MAPK10: variants seen among roughly 807,000 people sequenced by gnomAD.
MAPK10 encodes mitogen-activated protein kinase 10.
A neutral mutation model predicts 59.3 loss-of-function variants in MAPK10; 25 were observed. The ratio of observed to expected loss-of-function variants is 0.42; its 90% CI spans 0.31 to 0.59. MAPK10 has a LOEUF of 0.59. MAPK10 is among the 20% of genes least tolerant of loss of function. The probability of loss-of-function intolerance (pLI) is 0.15; values close to 1 mark genes in which losing one functional copy is unlikely to be tolerated. For missense variants in MAPK10, 351 were observed against 568.9 expected (o/e 0.62, Z 3.90); for synonymous variants, 190 against 200.5 (o/e 0.95, Z 0.44).
At chr4:86,179,489 G>GA (rs1046569483) in intron 3 of MAPK10, among the ~76,000 whole-genome samples, 8 of 151,248 alleles carry the variant, frequency 5.3e-5, no homozygotes, top group East Asian at 1.9e-4. Context: ...TTCTTCCCAG[G>GA]AAAAAAAATC....
intron 1 of MAPK10, among the ~76,000 whole-genome samples, chr4:86,419,901 T>A (rs932081266): frequency 6.6e-6 from 1 of 152,210 alleles, no homozygotes; most frequent in Admixed American, 6.5e-5. Flanking sequence ...AAGGAAGAAC[T>A]TGCAACTATA....
chr4:86,266,267 G>T (rs1438002491), intron 2 of MAPK10, among the ~76,000 whole-genome samples: 1 of 152,092 alleles, frequency 6.6e-6, no homozygotes, highest in Non-Finnish European at 1.5e-5. Context: ...GTAAGATTTG[G>T]TTTTTCTGGA....
intron 2 of MAPK10, among the ~76,000 whole-genome samples, chr4:86,208,276 G>C (rs2084737429): frequency 6.6e-6 from 1 of 151,136 alleles, no homozygotes; most frequent in South Asian, 2.1e-4. Context: ...GCCGGGCAGA[G>C]ACACAACCAA....
chr4:86,204,344 ATGTT>A (rs1029105690), intron 2 of MAPK10, among the ~76,000 whole-genome samples: 1 of 151,984 alleles, frequency 6.6e-6, no homozygotes, highest in African/African-American at 2.4e-5. Flanking sequence ...TAAAACTTAG[ATGTT>A]TCTTAAAATA....
At chr4:86,217,612 G>A (rs10029339) in intron 2 of MAPK10, among the ~76,000 whole-genome samples, 49,964 of 152,008 alleles carry the variant, frequency 0.33, 11,162 homozygotes, top group African/African-American at 0.64. Flanking sequence ...AGCATGTAAC[G>A]TCCTTGTATT....
chr4:86,526,256 C>T (rs1360578119), intron 1 of MAPK10, among the ~76,000 whole-genome samples: 3 of 152,060 alleles, frequency 2.0e-5, no homozygotes, highest in Non-Finnish European at 4.4e-5. Flanking sequence ...TGATATTGGT[C>T]TCTTCAGGGT....
intron 4 of MAPK10, among the ~76,000 whole-genome samples, chr4:86,117,117 A>G (rs1456071165): frequency 2.0e-5 from 3 of 152,248 alleles, no homozygotes; most frequent in Non-Finnish European, 2.9e-5. Flanking sequence ...TAAACTTTAA[A>G]TACATTATAA....
intron 2 of MAPK10, among the ~76,000 whole-genome samples, chr4:86,303,199 T>C (rs1164086659): frequency 6.6e-6 from 1 of 152,210 alleles, no homozygotes; most frequent in African/African-American, 2.4e-5. Context: ...ATTAAGCTTC[T>C]TCCTTCAACT....
chr4:86,120,215 A>T, intron 4 of MAPK10: 1 of 152,182 alleles, frequency 6.6e-6, no homozygotes, highest in East Asian at 1.9e-4. Context: ...TATGTAACCA[A>T]CTAACCTAGA....
chr4:86,564,272 T>C (rs577681659), intron 1 of MAPK10, among the ~76,000 whole-genome samples: 6 of 152,350 alleles, frequency 3.9e-5, no homozygotes, highest in Non-Finnish European at 7.3e-5. Flanking sequence ...CTTTTTTGCA[T>C]AGCTTTGCCT....
chr4:86,508,364 C>G (rs1755961767), intron 1 of MAPK10, among the ~76,000 whole-genome samples: 1 of 152,064 alleles, frequency 6.6e-6, no homozygotes, highest in African/African-American at 2.4e-5. Context: ...TATTTGGGAT[C>G]TGATTTGGTT....
chr4:86,525,698 G>A (rs1366589865), intron 1 of MAPK10, among the ~76,000 whole-genome samples: 3 of 152,170 alleles, frequency 2.0e-5, no homozygotes, highest in Non-Finnish European at 4.4e-5. Flanking sequence ...CAACACTTAC[G>A]AGTATTCTTT....
chr4:86,082,966 C>T (rs1046913386), intron 9 of MAPK10, among the ~76,000 whole-genome samples: 1 of 152,154 alleles, frequency 6.6e-6, no homozygotes, highest in African/African-American at 2.4e-5. Context: ...GTACTTTTGT[C>T]ATCCATCACT....
rs536785659 is a variant in MAPK10 at position 86,484,955 on chromosome 4, A to G, written c.-263+108955T>C. ...TAAGAGGCTTCTGTAAAAGTCTAAGAGAGAGCAGTCAGGAGTCTGAATTAA... is the reference window on the plus strand; with the variant it reads ...TAAGAGGCTTCTGTAAAAGTCTAAGGGAGAGCAGTCAGGAGTCTGAATTAA... On this transcript the variant is annotated intron_variant, in intron 1 of 4. Transcript: ENST00000502302. 2.0e-5 allele frequency among the ~76,000 whole-genome samples: 3 copies of G among 152,314 alleles called. No individual in the cohort carries two copies. In the South Asian group the frequency reaches 6.2e-4, roughly 32 times the overall value.
chr4:86,369,259 G>A (rs780186844), intron 1 of MAPK10, among the ~76,000 whole-genome samples: 5 of 152,146 alleles, frequency 3.3e-5, no homozygotes, highest in Non-Finnish European at 5.9e-5. Flanking sequence ...GCCAAACATT[G>A]TGTAATTAAA....
chr4:86,330,490 C>T (rs2096127077), intron 2 of MAPK10, among the ~76,000 whole-genome samples: 1 of 152,130 alleles, frequency 6.6e-6, no homozygotes, highest in Admixed American at 6.6e-5. Context: ...TGGGAGGGAC[C>T]CAGTGGGAGG....
chr4:86,018,294 C>A (rs1294800070), intron 13 of MAPK10, among the ~76,000 whole-genome samples: 1 of 149,574 alleles, frequency 6.7e-6, no homozygotes, highest in Non-Finnish European at 1.5e-5. Context: ...TTAATGACAC[C>A]AAACTTAAAA....
chr4:86,551,162 G>C (rs182928083), intron 1 of MAPK10, among the ~76,000 whole-genome samples: 314 of 152,290 alleles, frequency 2.1e-3, no homozygotes, highest in Non-Finnish European at 3.7e-3. Context: ...AAAAGGATGG[G>C]TAGTTAACCA....
intron 1 of MAPK10, among the ~76,000 whole-genome samples, chr4:86,531,354 G>A (rs1757839248): frequency 6.6e-6 from 1 of 152,200 alleles, no homozygotes; most frequent in South Asian, 2.1e-4. Context: ...TCTACAATCA[G>A]ATGAATTAGT....
Sources: gnomAD v4.1 joint callset for allele counts (sites outside exome capture counted in the v4.1 genomes callset) on GRCh38, gnomAD v4.1.1 for gene constraint, MANE v1.5 for transcripts, NCBI Gene and HGNC (gene_info 2026-07-23, HGNC 2026-07-21) for gene names.